HPSE2: variants seen among roughly 807,000 people sequenced by gnomAD.
The protein encoded by HPSE2 is heparanase 2 (inactive).
Under a neutral mutation model 60.5 loss-of-function variants are expected in HPSE2, and 38 were observed. The ratio of observed to expected loss-of-function variants is 0.63; its 90% confidence interval spans 0.48 to 0.82. HPSE2 has a LOEUF of 0.82. Ranked by LOEUF, HPSE2 falls within the 40% of genes least tolerant of loss-of-function variation. The probability of loss-of-function intolerance (pLI) is 0.00; values close to 1 mark genes in which losing one functional copy is unlikely to be tolerated. For synonymous variants in HPSE2, 295 were observed against 293.2 expected, an observed-to-expected ratio of 1.01 and a Z score of -0.06; for missense variants, 713 against 740.4, an observed-to-expected ratio of 0.96 and a Z score of 0.43.
chr10:98,664,040 C>T (rs475711), intron 6 of HPSE2, among the ~76,000 whole-genome samples: 28,105 of 151,942 alleles, frequency 0.18, 3,082 homozygotes, highest in East Asian at 0.33. Context: ...CTCGCTGGCT[C>T]GGGCTTCCAG....
intron 3 of HPSE2, among the ~76,000 whole-genome samples, chr10:98,916,586 G>T (rs551579720): frequency 6.6e-6 from 1 of 152,260 alleles, no homozygotes; most frequent in East Asian, 1.9e-4. Flanking sequence ...CTTTCAAAAG[G>T]GAAAAGTTAC....
chr10:98,730,768 A>G (rs904110703), intron 4 of HPSE2, among the ~76,000 whole-genome samples: 16 of 152,226 alleles, frequency 1.1e-4, no homozygotes, highest in African/African-American at 3.9e-4. Flanking sequence ...TAAGACACAG[A>G]AAATCTATAT....
chr10:99,306,542 T>G, the HPSE2 span, among the ~76,000 whole-genome samples: 3 of 152,252 alleles, frequency 2.0e-5, no homozygotes, highest in South Asian at 6.2e-4. Context: ...TTTTATGCCC[T>G]CTTGGTGTAT....
chr10:99,001,240 C>G (rs150829458), intron 3 of HPSE2, among the ~76,000 whole-genome samples: 2 of 152,076 alleles, frequency 1.3e-5, no homozygotes, highest in Admixed American at 6.6e-5. Context: ...CACTATGAAG[C>G]CTTATGATTT....
At chr10:99,244,485 C>T in the HPSE2 span, among the ~76,000 whole-genome samples, 7 of 148,552 alleles carry the variant, frequency 4.7e-5, no homozygotes, top group Admixed American at 2.0e-4. Flanking sequence ...TGGCTCACTG[C>T]AGTCTCTACT....
intron 3 of HPSE2, among the ~76,000 whole-genome samples, chr10:98,936,157 G>A (rs572648587): frequency 6.9e-6 from 1 of 144,368 alleles, no homozygotes; most frequent in Admixed American, 6.9e-5. Context: ...CCCCTGCCTG[G>A]GAATTCGATC....
chr10:99,284,999 G>A, the HPSE2 span, among the ~76,000 whole-genome samples: 8 of 152,096 alleles, frequency 5.3e-5, no homozygotes, highest in Admixed American at 2.6e-4. Context: ...AATATATAAC[G>A]AACTCTGACT....
intron 3 of HPSE2, among the ~76,000 whole-genome samples, chr10:98,886,400 T>C (rs1414096151): frequency 1.3e-5 from 2 of 152,120 alleles, no homozygotes; most frequent in African/African-American, 4.8e-5. Flanking sequence ...TATGCCAAAG[T>C]TCACAAAAAT....
intron 9 of HPSE2, among the ~76,000 whole-genome samples, chr10:98,538,488 T>A (rs151173075): frequency 2.6e-5 from 4 of 152,256 alleles, no homozygotes; most frequent in African/African-American, 9.6e-5. Flanking sequence ...ACAAGGCAGT[T>A]ATTTATTCCC....
chr10:98,595,492 C>G (rs954515316), intron 9 of HPSE2, among the ~76,000 whole-genome samples: 4 of 152,062 alleles, frequency 2.6e-5, no homozygotes, highest in African/African-American at 9.7e-5. Flanking sequence ...TTTCTTGATT[C>G]TTTTTCAGAT....
intron 3 of HPSE2, among the ~76,000 whole-genome samples, chr10:98,765,991 A>G (rs1950111808): frequency 6.6e-6 from 1 of 152,134 alleles, no homozygotes; most frequent in Non-Finnish European, 1.5e-5. Context: ...TCAATCAACT[A>G]AAAGCTGGCT....
At chr10:98,970,710 C>G (rs904567954) in intron 3 of HPSE2, among the ~76,000 whole-genome samples, 1 of 151,990 alleles carries the variant, frequency 6.6e-6, no homozygotes. Flanking sequence ...CTGAAACCAC[C>G]CTGTGACTTC....
At chr10:98,761,123 T>C (rs947478761) in intron 3 of HPSE2, among the ~76,000 whole-genome samples, 1 of 152,126 alleles carries the variant, frequency 6.6e-6, no homozygotes, top group Non-Finnish European at 1.5e-5. Flanking sequence ...TAGTCTCTTA[T>C]AATCCTTTGT....
At chr10:98,948,927 C>A (rs1281266071) in intron 3 of HPSE2, among the ~76,000 whole-genome samples, 1 of 152,078 alleles carries the variant, frequency 6.6e-6, no homozygotes, top group East Asian at 1.9e-4. Flanking sequence ...ATAAATACAA[C>A]ATATAAAATA....
At chr10:99,166,558 T>C (rs1246463321) in intron 2 of HPSE2, among the ~76,000 whole-genome samples, 1 of 152,192 alleles carries the variant, frequency 6.6e-6, no homozygotes, top group Non-Finnish European at 1.5e-5. Flanking sequence ...CAACTTCTAA[T>C]AGATTTGTAG....
At chr10:99,067,928 T>C (rs1842665751) in intron 3 of HPSE2, among the ~76,000 whole-genome samples, 2 of 152,172 alleles carry the variant, frequency 1.3e-5, no homozygotes, top group South Asian at 2.1e-4. Flanking sequence ...TTGAATACTT[T>C]TAGAAATTTC....
the HPSE2 span, among the ~76,000 whole-genome samples, chr10:99,273,134 G>A: frequency 1.3e-5 from 2 of 152,330 alleles, no homozygotes; most frequent in Middle Eastern, 6.8e-3. Flanking sequence ...GGATGAAATT[G>A]GAGAGGATTA....
intron 3 of HPSE2, among the ~76,000 whole-genome samples, chr10:99,033,263 G>A (rs1421415188): frequency 6.6e-6 from 1 of 152,004 alleles, no homozygotes; most frequent in Non-Finnish European, 1.5e-5. Context: ...TTCCTTTTGG[G>A]GGGAGATTAT....
At chr10:99,193,074 AACT>A (rs1317204364) in intron 2 of HPSE2, among the ~76,000 whole-genome samples, 3 of 152,176 alleles carry the variant, frequency 2.0e-5, no homozygotes, top group African/African-American at 4.8e-5. Context: ...CAAAAATAAT[AACT>A]ACAACAACTT....
Sources: gnomAD v4.1 joint callset for allele counts (sites outside exome capture counted in the v4.1 genomes callset) on GRCh38, gnomAD v4.1.1 for gene constraint, MANE v1.5 for transcripts, NCBI Gene and HGNC (gene_info 2026-07-23, HGNC 2026-07-21) for gene names.